Variants in RRP1B observed in about 807,000 individuals in gnomAD.
The protein encoded by RRP1B is ribosomal RNA processing 1B.
In RRP1B, 56 loss-of-function variants were observed where a neutral mutation model predicts 80.2. That is an observed-to-expected ratio of 0.70 (90% CI 0.56 to 0.87). RRP1B has a LOEUF of 0.87. Ranked by LOEUF, RRP1B falls within the 40% of genes least tolerant of loss-of-function variation. The pLI is 0.00. For missense variants in RRP1B, 807 were observed against 939.8 expected (o/e 0.86, Z 1.85); for synonymous variants, 351 against 357.6 (o/e 0.98, Z 0.21).
In RRP1B at chr21:43,659,780, C is replaced by A; in HGVS notation, c.116C>A (p.Thr39Lys). 1 of 1,513,232 alleles carries A rather than the reference C, an allele frequency of 6.6e-7. No individual in the cohort carries two copies. The allele number at this position is 1,513,232 out of a possible 1,614,324, so 93.7% of individuals were successfully genotyped here. A position where few individuals can be genotyped will look rare whatever the true frequency, so the allele number is the denominator to read the frequency against. ...CTGCGCCAGTACATCAGCGTGAAGA[C>A]GCAGAGGGAGACAGGTGGGCGCACG... ...KKLRQYISVK[T>K]QRETGGFSQE... Residue 39 changes from threonine to lysine, a missense_variant, in exon 1 of 16, where the codon ACG becomes AAG. Coordinates refer to ENST00000340648, the MANE Select transcript of RRP1B (RefSeq NM_015056.3). The surrounding 1 kb of genome is among the most constrained non-coding windows in gnomAD (Gnocchi z 4.2).
In RRP1B at chr21:43,695,279, T is replaced by C. The variant is rs1293033263; in HGVS notation, c.*1896T>C. The C allele has an allele frequency of 6.6e-6, 1 of 152,208 alleles. No homozygotes were observed. Among genetic ancestry groups the C allele is most frequent in the Non-Finnish European group, 1.5e-5 (1 of 68,030 alleles). The allele number at this position is 152,208 out of a possible 1,614,324, so 9.4% of individuals were successfully genotyped here. Reference sequence around the variant, plus strand: ...CCAAACGGGCCATATAATCCAACATTGTTGAGATGTCTTAGGACATCTAAG... The same window carrying C: ...CCAAACGGGCCATATAATCCAACATCGTTGAGATGTCTTAGGACATCTAAG... On this transcript the variant is annotated 3_prime_UTR_variant, in exon 16 of 16. Coordinates refer to ENST00000340648, the MANE Select transcript of RRP1B (RefSeq NM_015056.3).
chr21:43,683,062 G>A (rs191969692), intron 8 of RRP1B, among the ~76,000 whole-genome samples: 99 of 152,120 alleles, frequency 6.5e-4, no homozygotes, highest in African/African-American at 2.2e-3. Flanking sequence ...TAGTGGAGAC[G>A]GGGTTTCGCC....
chr21:43,692,655 A>G (rs2083091466), intron 15 of RRP1B, among the ~76,000 whole-genome samples: 1 of 151,928 alleles, frequency 6.6e-6, no homozygotes, highest in Non-Finnish European at 1.5e-5. Flanking sequence ...CTTGTTGGGA[A>G]CTGCAAGTAA....
chr21:43,659,802 C>A lies in RRP1B; in HGVS notation c.130+8C>A. 1 of 1,494,580 alleles carries A rather than the reference C, an allele frequency of 6.7e-7. No homozygotes were observed. The allele number at this position is 1,494,580 out of a possible 1,614,324, so 92.6% of individuals were successfully genotyped here. On this transcript the variant is annotated splice_region_variant and intron_variant, in intron 1 of 15. Coordinates refer to ENST00000340648, the MANE Select transcript of RRP1B (RefSeq NM_015056.3). The surrounding 1 kb of genome is among the most constrained non-coding windows in gnomAD (Gnocchi z 4.2). ...AGACGCAGAGGGAGACAGGTGGGCG[C>A]ACGGCCGCGGTCAGCCGCGCCACAT...
chr21:43,693,734 GT>G lies in RRP1B; in HGVS notation c.*352del, dbSNP rs1458630188. 4.8e-6 allele frequency: 1 copy of G among 207,388 alleles called. No individual in the cohort carries two copies. Among genetic ancestry groups the G allele is most frequent in the Non-Finnish European group, 9.4e-6 (1 of 106,594 alleles). The allele number at this position is 207,388 out of a possible 1,614,324, so 12.8% of individuals were successfully genotyped here. On this transcript the variant is annotated 3_prime_UTR_variant, in exon 16 of 16. Transcript: ENST00000340648. This position sits in a 1 kb window ranked among gnomAD's most constrained non-coding sequence, Gnocchi z 4.1. ...ATCAGTGCTGCTGGCACAATGAAAG[GT>G]GGAACTGCACTTCTGTTGAGCTCTC... is the stretch of plus-strand genomic sequence containing the variant.
intron 1 of RRP1B, among the ~76,000 whole-genome samples, chr21:43,660,052 C>G (rs1418743785): frequency 6.6e-6 from 1 of 152,192 alleles, no homozygotes; most frequent in Non-Finnish European, 1.5e-5. Flanking sequence ...CACATGGGTC[C>G]GATTCCCCAG....
At chr21:43,662,009 T>C (rs2082959605) in intron 1 of RRP1B, among the ~76,000 whole-genome samples, 2 of 152,256 alleles carry the variant, frequency 1.3e-5, no homozygotes, top group Admixed American at 1.3e-4. Context: ...CTTAGCTACA[T>C]TGCTTCTTAA....
At chr21:43,687,361 T>C (rs2083067241) in intron 12 of RRP1B, among the ~76,000 whole-genome samples, 155 bp from the exon 13 acceptor site, 1 of 151,796 alleles carries the variant, frequency 6.6e-6, no homozygotes, top group Non-Finnish European at 1.5e-5. Context: ...ACGACAAAGG[T>C]AGTGGGCGCA....
intron 6 of RRP1B, 143 bp downstream of exon 6, chr21:43,675,306 G>C (rs2083017499): frequency 2.7e-6 from 2 of 736,996 alleles, no homozygotes; most frequent in Non-Finnish European, 4.5e-6. Context: ...CTGGGAATGT[G>C]TCCTAAGCAG....
rs953431958 is a variant in RRP1B, at chr21:43,659,566, A to G, written c.-99A>G. On this transcript the variant is annotated 5_prime_UTR_variant, in exon 1 of 16. Coordinates refer to ENST00000340648, the MANE Select transcript of RRP1B (RefSeq NM_015056.3). The surrounding 1 kb of genome is among the most constrained non-coding windows in gnomAD (Gnocchi z 4.2). ...GCGCCGCCGCCGCCGCCTTCTGTGC[A>G]GTCGCGGCCCGGGCGGACGGTGGCT... is the stretch of plus-strand genomic sequence containing the variant. 5 of 1,205,604 alleles carry G rather than the reference A, an allele frequency of 4.1e-6. No individual in the cohort carries two copies. The highest frequency in any genetic ancestry group is 4.1e-6 in the Non-Finnish European group (4 of 966,864). The allele number at this position is 1,205,604 out of a possible 1,614,324, so 74.7% of individuals were successfully genotyped here.
Position 43,677,027 on chromosome 21 carries a change from C to T in RRP1B, c.796+113C>T, listed in dbSNP as rs1016830732. On this transcript the variant is annotated intron_variant, in intron 8 of 15. Transcript: ENST00000340648. Reference sequence around the variant, plus strand: ...ACTGAATGCAACCTAGAGTTGATGGCTCTGCCTCAGCCCCTCCCAAGAAAG... The same window carrying T: ...ACTGAATGCAACCTAGAGTTGATGGTTCTGCCTCAGCCCCTCCCAAGAAAG... 15 of 1,060,180 alleles carry T rather than the reference C, an allele frequency of 1.4e-5. No homozygotes were observed. In the South Asian group the frequency reaches 2.1e-4, roughly 15 times the overall value. 65.7% of individuals were successfully genotyped at this position (1,060,180 alleles called of 1,614,324 possible).
At chr21:43,672,265 C>A in intron 2 of RRP1B, 43 bp from the exon 3 acceptor site, 2 of 1,589,708 alleles carry the variant, frequency 1.3e-6, no homozygotes, top group Non-Finnish European at 1.7e-6. Context: ...CTCATGTTGC[C>A]CCACGATAAC....
chr21:43,694,266 A>C lies in RRP1B; in HGVS notation c.*883A>C, dbSNP rs1224322321. The C allele has an allele frequency of 6.6e-6, 1 of 152,190 alleles. No homozygotes were observed. The highest frequency in any genetic ancestry group is 2.4e-5 in the African/African-American group (1 of 41,432). The allele number at this position is 152,190 out of a possible 1,614,324, so 9.4% of individuals were successfully genotyped here. On this transcript the variant is annotated 3_prime_UTR_variant, in exon 16 of 16. Transcript: ENST00000340648. The stretch of plus-strand genomic sequence containing the variant: ...TCCATGGCAGCTCCCCATCTTCCCT[A>C]GAGGCTGCCTGCGCATCTGGAGCCT...
chr21:43,690,507 A>C, intron 14 of RRP1B, 67 bp downstream of exon 14: 1 of 1,549,768 alleles, frequency 6.5e-7, no homozygotes, highest in Non-Finnish European at 8.8e-7. Context: ...TTGAGCTGAC[A>C]GTGCTTCCCA....
intron 13 of RRP1B, 110 bp from the exon 14 acceptor site, chr21:43,690,178 G>C: frequency 7.7e-7 from 1 of 1,297,086 alleles, no homozygotes; most frequent in African/African-American, 1.5e-5. Flanking sequence ...GCGGGCCGTC[G>C]GGTGGGCTGG....
chr21:43,666,633 G>T (rs1055103356), intron 1 of RRP1B, among the ~76,000 whole-genome samples: 1 of 150,964 alleles, frequency 6.6e-6, no homozygotes, highest in South Asian at 2.1e-4. Flanking sequence ...CAGGAGAATC[G>T]CTTGAACCTG....
At chr21:43,670,076 C>A in intron 2 of RRP1B, 110 bp downstream of exon 2, 1 of 664,900 alleles carries the variant, frequency 1.5e-6, no homozygotes, top group South Asian at 3.0e-5. Flanking sequence ...CACTGACAGT[C>A]ATGCTTCAAG....
chr21:43,682,078 G>C (rs7282615), intron 8 of RRP1B, among the ~76,000 whole-genome samples: 2,010 of 152,280 alleles, frequency 0.013, 46 homozygotes, highest in African/African-American at 0.045. Context: ...ACCAGCTTGG[G>C]CAACATAATG....
At chr21:43,679,414 G>A (rs1601757061) in intron 8 of RRP1B, among the ~76,000 whole-genome samples, 1 of 151,894 alleles carries the variant, frequency 6.6e-6, no homozygotes, top group Non-Finnish European at 1.5e-5. Flanking sequence ...AATTATAGGC[G>A]GGTGCCACCA....
Sources: gnomAD v4.1 joint callset for allele counts (sites outside exome capture counted in the v4.1 genomes callset) on GRCh38, gnomAD v4.1.1 for gene constraint, Gnocchi (gnomAD v3.1) non-coding constraint, MANE v1.5 for transcripts, NCBI Gene and HGNC (gene_info 2026-07-23, HGNC 2026-07-21) for gene names.